Variants in LOC128092252 observed in about 807,000 individuals in gnomAD.
the LOC128092252 span, among the ~76,000 whole-genome samples, chr15:50,682,713 C>A: frequency 1.3e-5 from 2 of 152,126 alleles, no homozygotes; most frequent in Non-Finnish European, 2.9e-5. Flanking sequence ...AGGTCCAATT[C>A]TCCAAGTCAA....
chr15:50,658,092 C>T, the LOC128092252 span, among the ~76,000 whole-genome samples: 1 of 151,424 alleles, frequency 6.6e-6, no homozygotes, highest in Non-Finnish European at 1.5e-5. Flanking sequence ...GCAAGCTCCG[C>T]CTCCCGGGTT....
At chr15:50,666,462 A>G in the LOC128092252 span, among the ~76,000 whole-genome samples, 7 of 151,698 alleles carry the variant, frequency 4.6e-5, no homozygotes, top group South Asian at 2.1e-4. Context: ...GGGAGAAAGA[A>G]GAGGAGGAAG....
chr15:50,673,809 T>G, the LOC128092252 span, among the ~76,000 whole-genome samples: 3 of 152,202 alleles, frequency 2.0e-5, no homozygotes, highest in African/African-American at 7.2e-5. Flanking sequence ...GGGACTGCTG[T>G]ATCAAATGGT....
the LOC128092252 span, among the ~76,000 whole-genome samples, chr15:50,653,259 T>C: frequency 6.6e-6 from 1 of 152,192 alleles, no homozygotes; most frequent in East Asian, 1.9e-4. Flanking sequence ...AAAACTTGCC[T>C]TGGCAATATA....
chr15:50,648,990 A>G, the LOC128092252 span: 18 of 744,894 alleles, frequency 2.4e-5, no homozygotes, highest in African/African-American at 3.2e-4. Context: ...TAAAATTTTT[A>G]TATTTTATAT....
chr15:50,673,878 A>T, the LOC128092252 span, among the ~76,000 whole-genome samples: 1 of 152,220 alleles, frequency 6.6e-6, no homozygotes, highest in South Asian at 2.1e-4. Flanking sequence ...CATTCCTACC[A>T]GCAGTGTAGA....
the LOC128092252 span, among the ~76,000 whole-genome samples, chr15:50,666,082 GAAAT>G: frequency 2.0e-5 from 3 of 152,146 alleles, no homozygotes; most frequent in Admixed American, 6.6e-5. Flanking sequence ...TCAAAGGAAA[GAAAT>G]AAAATTAAAG....
chr15:50,662,547 A>G, the LOC128092252 span, among the ~76,000 whole-genome samples: 1 of 152,158 alleles, frequency 6.6e-6, no homozygotes, highest in African/African-American at 2.4e-5. Context: ...AAAAAGAATG[A>G]CTATTATTAG....
At chr15:50,653,172 C>T in the LOC128092252 span, among the ~76,000 whole-genome samples, 3 of 152,086 alleles carry the variant, frequency 2.0e-5, no homozygotes, top group East Asian at 1.9e-4. Context: ...AAAAAAGAAA[C>T]GGACGTGGTG....
chr15:50,649,262 C>T, the LOC128092252 span, among the ~76,000 whole-genome samples: 4,357 of 151,952 alleles, frequency 0.029, 232 homozygotes, highest in African/African-American at 0.1. Flanking sequence ...CACAGCAAGA[C>T]CCTGACTTGA....
the LOC128092252 span, among the ~76,000 whole-genome samples, chr15:50,658,701 ACT>A: frequency 6.6e-5 from 10 of 152,144 alleles, no homozygotes; most frequent in Admixed American, 6.6e-4. Flanking sequence ...AAAAACGTTG[ACT>A]CTCACACACT....
the LOC128092252 span, among the ~76,000 whole-genome samples, chr15:50,660,176 A>T: frequency 1.3e-5 from 2 of 152,194 alleles, no homozygotes; most frequent in African/African-American, 4.8e-5. Context: ...AGTAGTAAGA[A>T]ATCAGAATAA....
chr15:50,656,621 C>T, the LOC128092252 span, among the ~76,000 whole-genome samples: 1 of 151,946 alleles, frequency 6.6e-6, no homozygotes, highest in Admixed American at 6.6e-5. Flanking sequence ...CAGGCGCGAA[C>T]CATCACATCC....
the LOC128092252 span, among the ~76,000 whole-genome samples, chr15:50,682,173 C>CAAAAAAAAAAAAAAAAA: frequency 3.5e-3 from 221 of 63,594 alleles, 15 homozygotes; most frequent in South Asian, 5.9e-3. Flanking sequence ...AACTCAGTCT[C>CAAAAAAAAAAAAAAAAA]AAAAAAAAAA....
the LOC128092252 span, among the ~76,000 whole-genome samples, chr15:50,677,751 A>AG: frequency 0.054 from 8,066 of 148,218 alleles, 331 homozygotes; most frequent in African/African-American, 0.097. Flanking sequence ...AAAAAAAAAA[A>AG]AAAAAAAAAC....
chr15:50,672,019 T>C, the LOC128092252 span, among the ~76,000 whole-genome samples: 1 of 152,238 alleles, frequency 6.6e-6, no homozygotes, highest in Non-Finnish European at 1.5e-5. Context: ...ACGCTTTTTA[T>C]GGTTAGAGTG....
chr15:50,657,955 G>A, the LOC128092252 span: 122,675 of 559,478 alleles, frequency 0.22, 15,168 homozygotes, highest in East Asian at 0.41. Context: ...TATAGTTCAC[G>A]TATACCTTGA....
At chr15:50,652,863 ATTAC>A in the LOC128092252 span, among the ~76,000 whole-genome samples, 14 of 152,172 alleles carry the variant, frequency 9.2e-5, no homozygotes, top group African/African-American at 3.1e-4. Flanking sequence ...AAGCATTAGC[ATTAC>A]AAGAAAAGAC....
chr15:50,654,050 C>G, the LOC128092252 span, among the ~76,000 whole-genome samples: 1 of 152,152 alleles, frequency 6.6e-6, no homozygotes, highest in South Asian at 2.1e-4. Context: ...GAAAATCAAA[C>G]CTGAATGGAC....
Sources: allele counts gnomAD v4.1 joint callset (sites outside exome capture counted in the v4.1 genomes callset), GRCh38; gene constraint gnomAD v4.1.1; transcripts MANE v1.5.